The following PRRX2 variants were observed in gnomAD, a reference collection of about 807,000 sequenced individuals.
PRRX2 encodes the protein paired related homeobox 2, also known as paired mesoderm homeobox protein 2.
A neutral mutation model predicts 18.0 loss-of-function variants in PRRX2; 11 were observed. That is an observed-to-expected ratio of 0.61 (90% CI 0.39 to 1.01). The LOEUF (loss-of-function observed/expected upper bound fraction) is 1.01, where lower values mean the gene tolerates loss of function less well. PRRX2 is among the 50% of genes least tolerant of loss of function. PRRX2 has a pLI of 0.01. For missense variants in PRRX2, 387 were observed against 351.0 expected (o/e 1.10, Z -0.82); for synonymous variants, 177 against 154.8 (o/e 1.14, Z -1.06).
At chr9:129,694,403 T>TC (rs1832395942) in intron 1 of PRRX2, among the ~76,000 whole-genome samples, 1 of 152,216 alleles carries the variant, frequency 6.6e-6, no homozygotes, top group Non-Finnish European at 1.5e-5. Flanking sequence ...TGGGCCAGTC[T>TC]CCAACTCCTG....
At chr9:129,696,514 G>A (rs1341010462) in intron 1 of PRRX2, among the ~76,000 whole-genome samples, 1 of 152,186 alleles carries the variant, frequency 6.6e-6, no homozygotes, top group Non-Finnish European at 1.5e-5. Context: ...GTTCAAGGCT[G>A]CAGCGGAGCC....
chr9:129,694,816 G>A (rs57663683), intron 1 of PRRX2, among the ~76,000 whole-genome samples: 11,917 of 152,160 alleles, frequency 0.078, 587 homozygotes, highest in African/African-American at 0.13. Context: ...GGGGGGCAGC[G>A]GAGGGAGCCC....
At chr9:129,685,105 C>G (rs1832286194) in intron 1 of PRRX2, among the ~76,000 whole-genome samples, 1 of 152,204 alleles carries the variant, frequency 6.6e-6, no homozygotes, top group Non-Finnish European at 1.5e-5. Flanking sequence ...CAGAGTGGGC[C>G]CCGTGGGCTG....
intron 1 of PRRX2, among the ~76,000 whole-genome samples, chr9:129,685,447 GC>G (rs1832289402): frequency 1.3e-5 from 2 of 152,040 alleles, no homozygotes; most frequent in South Asian, 4.2e-4. Flanking sequence ...GCTCACTATA[GC>G]CTCAACCTCC....
intron 1 of PRRX2, among the ~76,000 whole-genome samples, chr9:129,713,487 G>T (rs1832658130): frequency 6.6e-6 from 1 of 152,180 alleles, no homozygotes; most frequent in African/African-American, 2.4e-5. Context: ...CATGGGATCA[G>T]AGAGCTGGGA....
chr9:129,676,221 C>T (rs1055937290), intron 1 of PRRX2, among the ~76,000 whole-genome samples: 10 of 152,126 alleles, frequency 6.6e-5, no homozygotes, highest in Admixed American at 2.6e-4. Flanking sequence ...GGCCCTGGGA[C>T]GGTGGGAATC....
At chr9:129,721,750 T>A (rs907470915) in intron 3 of PRRX2, among the ~76,000 whole-genome samples, 1 of 152,036 alleles carries the variant, frequency 6.6e-6, no homozygotes, top group African/African-American at 2.4e-5. Context: ...AAGCTAATTG[T>A]TTGTATTTTT....
At chr9:129,697,666 C>G (rs1057133669) in intron 1 of PRRX2, among the ~76,000 whole-genome samples, 3 of 151,982 alleles carry the variant, frequency 2.0e-5, no homozygotes, top group Admixed American at 1.3e-4. Context: ...GCCCAGCAAG[C>G]CAGCTCCCCG....
intron 1 of PRRX2, among the ~76,000 whole-genome samples, chr9:129,690,754 C>G (rs1199812367): frequency 6.6e-6 from 1 of 151,872 alleles, no homozygotes; most frequent in Non-Finnish European, 1.5e-5. Flanking sequence ...GATCTGCCCG[C>G]CTTGGCCTCC....
intron 1 of PRRX2, among the ~76,000 whole-genome samples, chr9:129,704,829 C>G (rs1171804522): frequency 6.6e-6 from 1 of 152,218 alleles, no homozygotes; most frequent in Non-Finnish European, 1.5e-5. Context: ...ATCTTTGTGC[C>G]TGGGCCCCAG....
At chr9:129,719,735 C>G (rs1832764775) in intron 2 of PRRX2, among the ~76,000 whole-genome samples, 1 of 152,170 alleles carries the variant, frequency 6.6e-6, no homozygotes, top group Non-Finnish European at 1.5e-5. Context: ...GCCTATAATC[C>G]CAGCACTTTG....
chr9:129,693,651 C>A (rs1172038093), intron 1 of PRRX2, among the ~76,000 whole-genome samples: 1 of 151,426 alleles, frequency 6.6e-6, no homozygotes, highest in African/African-American at 2.4e-5. Context: ...GCCTTGCCAT[C>A]ATTACTGGTT....
intron 1 of PRRX2, among the ~76,000 whole-genome samples, chr9:129,667,895 A>G (rs1382512347): frequency 6.6e-6 from 1 of 152,168 alleles, no homozygotes; most frequent in Non-Finnish European, 1.5e-5. Flanking sequence ...ACCCTCCTGG[A>G]GAGCCCATGA....
chr9:129,720,679 C>T lies in PRRX2; in HGVS notation c.531C>T (p.Ser177=), dbSNP rs1193190914. 7 of 1,613,434 alleles carry T rather than the reference C, an allele frequency of 4.3e-6. No homozygotes were observed. Among genetic ancestry groups the T allele is most frequent in the Non-Finnish European group, 5.9e-6 (7 of 1,179,892 alleles). Residue 177 remains serine, a synonymous_variant, in exon 3 of 4, where the codon TCC becomes TCT. Coordinates refer to ENST00000372469, the MANE Select transcript of PRRX2 (RefSeq NM_016307.4). ...GCCGCTCTGCCTCGCTGCTCAAGTC[C>T]TACAGCCAGGAGGCCGCCATCGAGC... ...LASRSASLLK[S]YSQEAAIEQP...
intron 1 of PRRX2, among the ~76,000 whole-genome samples, chr9:129,677,742 C>G (rs1030369331): frequency 6.6e-6 from 1 of 152,224 alleles, no homozygotes; most frequent in Admixed American, 6.5e-5. Context: ...CAGAGCGGGC[C>G]GCCCCACCAC....
At chr9:129,678,755 G>T (rs1832191895) in intron 1 of PRRX2, among the ~76,000 whole-genome samples, 2 of 152,160 alleles carry the variant, frequency 1.3e-5, no homozygotes, top group African/African-American at 2.4e-5. Context: ...CTGTGTGTCT[G>T]TGAGTGTCCA....
At chr9:129,669,829 A>G (rs545502943) in intron 1 of PRRX2, among the ~76,000 whole-genome samples, 133 of 151,960 alleles carry the variant, frequency 8.8e-4, no homozygotes, top group African/African-American at 2.8e-3. Context: ...ATTATTTTTT[A>G]TTGCGATAAA....
intron 1 of PRRX2, among the ~76,000 whole-genome samples, chr9:129,690,006 C>A (rs1012365755): frequency 7.9e-5 from 12 of 151,994 alleles, no homozygotes; most frequent in Non-Finnish European, 1.5e-4. Context: ...CCGCCTCAGC[C>A]TCCCAAAGTG....
intron 1 of PRRX2, chr9:129,712,904 A>G (rs1245741272): frequency 6.6e-6 from 1 of 152,254 alleles, no homozygotes; most frequent in Non-Finnish European, 1.5e-5. Flanking sequence ...CCTGAGGCTT[A>G]GAGAGTATTT....
Sources: gnomAD v4.1 joint callset for allele counts (sites outside exome capture counted in the v4.1 genomes callset) on GRCh38, gnomAD v4.1.1 for gene constraint, MANE v1.5 for transcripts, NCBI Gene and HGNC (gene_info 2026-07-23, HGNC 2026-07-21) for gene names.